LBR: variants seen among roughly 807,000 people sequenced by gnomAD.
The protein encoded by LBR is delta(14)-sterol reductase LBR.
Under a neutral mutation model 74.3 loss-of-function variants are expected in LBR, and 28 were observed. That is an observed-to-expected ratio of 0.38 (90% CI 0.28 to 0.52). LBR has a LOEUF of 0.52. Ranked by LOEUF, LBR falls within the 20% of genes least tolerant of loss-of-function variation. The pLI is 0.89. For missense variants in LBR, 717 were observed against 760.3 expected (o/e 0.94, Z 0.67); for synonymous variants, 228 against 269.3 (o/e 0.85, Z 1.50).
chr1:225,424,019 A>ACT lies in LBR; in HGVS notation c.55_56dup (p.Ser19ArgfsTer8). Reference sequence around the variant, plus strand: ...GAATTTCTACTTCATAATAAAGTGAACTCCCAGGCCATCGACCTCTTACCA... The same window carrying ACT: ...GAATTTCTACTTCATAATAAAGTGAACTCTCCCAGGCCATCGACCTCTTACCA... On this transcript the variant is annotated frameshift_variant, in exon 2 of 14. Coordinates refer to ENST00000272163, the MANE Select transcript of LBR (RefSeq NM_002296.4). LOFTEE classifies it high-confidence loss of function. 6.2e-7 allele frequency: 1 copy of ACT among 1,613,860 alleles called. No individual in the cohort carries two copies. The highest frequency in any genetic ancestry group is 8.5e-7 in the Non-Finnish European group (1 of 1,179,940).
rs372078910 is a variant in LBR, at chr1:225,404,526, T to A, written c.1565A>T (p.His522Leu). 7.5e-6 allele frequency: 12 copies of A among 1,601,232 alleles called. No homozygotes were observed. Among genetic ancestry groups the A allele is most frequent in the African/African-American group, 1.4e-5 (1 of 73,912 alleles). The change falls in exon 13 of 14, where the codon CAT becomes CTT. Residue 522 changes from histidine to leucine, a missense_variant and splice_region_variant. By Grantham distance (99) the His-to-Leu change is moderately conservative (BLOSUM62 -3). Transcript: ENST00000272163. ...RKNPSDPKLA[H>L]LKTIHTSTGK... Reference sequence around the variant, plus strand: ...CGTTGAAGTATGAATGGTTTTTAAATCTATATAAAAATAAAAGTACATTTT... The same window carrying A: ...CGTTGAAGTATGAATGGTTTTTAAAACTATATAAAAATAAAAGTACATTTT...
chr1:225,427,783 G>GGAGGGGAGGAGACGAGGAGGC (rs1558660868), intron 1 of LBR, 171 bp downstream of exon 1: 1 of 152,488 alleles, frequency 6.6e-6, no homozygotes, highest in Non-Finnish European at 1.5e-5. Context: ...GAAAAGGCGA[G>GGAGGGGAGGAGACGAGGAGGC]GAGGGGAGGA....
At position 225,419,769 on chromosome 1, in the gene LBR, A is replaced by G. The variant is rs374289757; in HGVS notation, c.396T>C (p.Tyr132=). ...LKPFGNSISR[Y]NGEPEHIERN... ...TCTCAATATGCTCAGGCTCCCCATT[A>G]TATCTGCTGATGCTATTTCCAAATG... The change falls in exon 4 of 14, where the codon TAT becomes TAC. Residue 132 remains tyrosine (Y), a synonymous_variant. Coordinates refer to ENST00000272163, the MANE Select transcript of LBR (RefSeq NM_002296.4). 230 of 1,611,970 alleles carry G rather than the reference A, an allele frequency of 1.4e-4. 1 individual carries two copies. The highest frequency in any genetic ancestry group is 1.9e-4 in the Non-Finnish European group (221 of 1,178,336).
At position 225,418,204 on chromosome 1, in the gene LBR, G is replaced by A. The variant is rs201353215; in HGVS notation, c.641-24C>T. 14 of 1,603,100 alleles carry A rather than the reference G, an allele frequency of 8.7e-6. No homozygotes were observed. The East Asian group carries it at 2.7e-4, about 31-fold the overall frequency. The stretch of plus-strand genomic sequence containing the variant: ...ACCTGCAAACAATTCATGAACATTC[G>A]AGGCTCAAATTTCAATCTGGTTTAT... On this transcript the variant is annotated intron_variant, in intron 5 of 13. Transcript: ENST00000272163.
chr1:225,410,973 G>A (rs6660819), intron 9 of LBR, among the ~76,000 whole-genome samples: 20,831 of 152,164 alleles, frequency 0.14, 3,368 homozygotes, highest in African/African-American at 0.39. Context: ...AGAATGAAGG[G>A]TGGAAGGGAA....
intron 5 of LBR, 144 bp from the exon 6 acceptor site, chr1:225,418,324 T>C (rs2096121297): frequency 1.3e-6 from 1 of 789,648 alleles, no homozygotes; most frequent in African/African-American, 1.7e-5. Context: ...AAAACTCCCA[T>C]CTCTACCTGT....
At position 225,422,158 on chromosome 1, in the gene LBR, G is replaced by C. The variant is rs774772672; in HGVS notation, c.285C>G (p.Arg95=). The change falls in exon 3 of 14, where the codon CGC becomes CGG. Residue 95 remains arginine (R), a synonymous_variant. Transcript: ENST00000272163. ...CCTGGTGGGAAGCAGAAGCAGATCG[G>C]CGGGCACTTTTAGGTGGTCGACCAG... ...RSPGRPPKSA[R]RSASASHQAD... is the part of the protein sequence containing the mutation. 1.2e-6 allele frequency: 2 copies of C among 1,613,990 alleles called. No homozygotes were observed. Among genetic ancestry groups the C allele is most frequent in the South Asian group, 2.2e-5 (2 of 91,092 alleles).
intron 7 of LBR, chr1:225,413,939 A>C (rs1360347041): frequency 1.3e-5 from 6 of 456,748 alleles, no homozygotes; most frequent in Non-Finnish European, 2.2e-5. Flanking sequence ...AAAATATAAC[A>C]CAAGACTACT....
chr1:225,410,733 G>A (rs1363392058), intron 9 of LBR, among the ~76,000 whole-genome samples: 1 of 152,228 alleles, frequency 6.6e-6, no homozygotes, highest in Non-Finnish European at 1.5e-5. Flanking sequence ...GGTCATGAGA[G>A]ACAAGGAAAG....
At chr1:225,427,151 C>T (rs1278624471) in intron 1 of LBR, among the ~76,000 whole-genome samples, 1 of 152,104 alleles carries the variant, frequency 6.6e-6, no homozygotes, top group African/African-American at 2.4e-5. Flanking sequence ...GACCGGGCCC[C>T]GTAATCACTC....
chr1:225,419,857 T>C, intron 3 of LBR, 59 bp from the exon 4 acceptor site: 1 of 1,240,484 alleles, frequency 8.1e-7, no homozygotes, highest in Non-Finnish European at 1.2e-6. Context: ...AAAAGAAACA[T>C]GATGGTAAAA....
chr1:225,417,024 C>T (rs1226299388), intron 6 of LBR, among the ~76,000 whole-genome samples: 3 of 152,094 alleles, frequency 2.0e-5, no homozygotes, highest in African/African-American at 7.2e-5. Flanking sequence ...CTTTTAGTCA[C>T]TTTAGTCTAT....
chr1:225,416,176 A>C (rs1165440611), intron 6 of LBR, among the ~76,000 whole-genome samples: 1 of 151,638 alleles, frequency 6.6e-6, no homozygotes, highest in Non-Finnish European at 1.5e-5. Flanking sequence ...CAGCCTGGGC[A>C]ACAGAGCAAG....
At chr1:225,423,059 C>T (rs1240420462) in intron 2 of LBR, among the ~76,000 whole-genome samples, 1 of 152,150 alleles carries the variant, frequency 6.6e-6, no homozygotes, top group Admixed American at 6.5e-5. Context: ...GAAGTGTCAT[C>T]CTCAGCCATG....
chr1:225,422,136 G>A lies in LBR; in HGVS notation c.307C>T (p.Gln103Ter). 1 of 1,614,144 alleles carries A rather than the reference G, an allele frequency of 6.2e-7. No individual in the cohort carries two copies. ...SARRSASASH[Q>*]ADIKEARREV... The stretch of plus-strand genomic sequence containing the variant: ...CTCCTTGCTTCCTTAATGTCGGCCT[G>A]GTGGGAAGCAGAAGCAGATCGGCGG... The change falls in exon 3 of 14, where the codon CAG (glutamine) becomes TAG (stop). Residue 103 changes from glutamine to a stop codon, truncating the protein, a stop_gained. Transcript: ENST00000272163. LOFTEE classifies it high-confidence loss of function.
Position 225,412,619 on chromosome 1 carries a change from C to T in LBR, c.919G>A (p.Ala307Thr). 6.2e-7 allele frequency: 1 copy of T among 1,603,152 alleles called. No homozygotes were observed. Among genetic ancestry groups the T allele is most frequent in the Non-Finnish European group, 8.5e-7 (1 of 1,175,100 alleles). Residue 307 changes from alanine (A) to threonine (T), a missense_variant, in exon 8 of 14, where the codon GCA becomes ACA. By Grantham distance (58) the Ala-to-Thr change is moderately conservative (BLOSUM62 0). Coordinates refer to ENST00000272163, the MANE Select transcript of LBR (RefSeq NM_002296.4). ...TGGAAGAGAGATGTTCCGATGACTG[C>T]AGATGTCAGGATAAAAGCATAGAAT... is the stretch of plus-strand genomic sequence containing the variant. The part of the protein sequence containing the change: ...NGFYAFILTS[A>T]VIGTSLFQGV...
chr1:225,422,345 G>A, intron 2 of LBR, 68 bp from the exon 3 acceptor site: 1 of 1,288,794 alleles, frequency 7.8e-7, no homozygotes, highest in South Asian at 1.2e-5. Context: ...ACCCACACTA[G>A]AAGAGGATAA....
At chr1:225,416,068 G>C (rs1448022976) in intron 6 of LBR, among the ~76,000 whole-genome samples, 1 of 151,982 alleles carries the variant, frequency 6.6e-6, no homozygotes, top group Admixed American at 6.6e-5. Context: ...AACTAGCCAA[G>C]CCTGGTGGCA....
chr1:225,403,112 C>CA lies in LBR; in HGVS notation c.*190_*191insT. The CA allele has an allele frequency of 1.7e-6, 1 of 587,256 alleles. No individual in the cohort carries two copies. The highest frequency in any genetic ancestry group is 3.0e-6 in the Non-Finnish European group (1 of 332,698). The allele number at this position is 587,256 out of a possible 1,614,324, so 36.4% of individuals were successfully genotyped here. ...CTTACTTGTATTTTTCCTATGTTAA[C>CA]TGTAAGTTAATACAAGTAAACACGG... On this transcript the variant is annotated 3_prime_UTR_variant, in exon 14 of 14. Transcript: ENST00000272163.
Sources: allele counts gnomAD v4.1 joint callset (sites outside exome capture counted in the v4.1 genomes callset), GRCh38; gene constraint gnomAD v4.1.1; transcripts MANE v1.5; gene names NCBI Gene and HGNC (gene_info 2026-07-23, HGNC 2026-07-21).